The following GALNTL6 variants were observed in gnomAD, a reference collection of about 807,000 sequenced individuals.
GALNTL6 encodes the protein polypeptide N-acetylgalactosaminyltransferase like 6.
A neutral mutation model predicts 73.7 loss-of-function variants in GALNTL6; 46 were observed. The ratio of observed to expected loss-of-function variants is 0.62; its 90% CI spans 0.49 to 0.80. The LOEUF (loss-of-function observed/expected upper bound fraction) is 0.80, where lower values mean the gene tolerates loss of function less well. Among genes scored for constraint, GALNTL6 ranks in the 30% least tolerant of loss-of-function variants. GALNTL6 has a pLI of 0.00. For missense variants in GALNTL6, 604 were observed against 755.0 expected (o/e 0.80, Z 2.34); for synonymous variants, 259 against 263.7 (o/e 0.98, Z 0.17).
intron 2 of GALNTL6, among the ~76,000 whole-genome samples, chr4:172,181,717 CTTTTT>C (rs751155404): frequency 7.4e-6 from 1 of 135,156 alleles, no homozygotes. Flanking sequence ...CCCAAATCTT[CTTTTT>C]TTTTTTTTTT....
intron 5 of GALNTL6, among the ~76,000 whole-genome samples, chr4:172,637,444 T>C (rs945373314): frequency 6.6e-6 from 1 of 152,210 alleles, no homozygotes; most frequent in Non-Finnish European, 1.5e-5. Context: ...AAAATTGATT[T>C]GTGAAATCAG....
intron 7 of GALNTL6, among the ~76,000 whole-genome samples, chr4:172,816,832 G>A (rs1741627076): frequency 1.3e-5 from 2 of 152,024 alleles, no homozygotes; most frequent in Non-Finnish European, 1.5e-5. Flanking sequence ...TTTTGGCTGG[G>A]CACGGTGGCC....
In GALNTL6 at chr4:172,539,758, T is replaced by C. The variant is rs111677689; in HGVS notation, c.553+191069T>C. 3.0e-3 allele frequency among the ~76,000 whole-genome samples: 458 copies of C among 151,682 alleles called. 2 individuals are homozygous for C. Among genetic ancestry groups the C allele is most frequent in the African/African-American group, 0.01 (424 of 41,416 alleles). On this transcript the variant is annotated intron_variant, in intron 5 of 12. Coordinates refer to ENST00000506823, the MANE Select transcript of GALNTL6 (RefSeq NM_001034845.3). ...CATGGGCAGAATTATATATATTGTT[T>C]GGTATGATTGCCATAATATTGATAA...
intron 5 of GALNTL6, among the ~76,000 whole-genome samples, chr4:172,720,544 C>T (rs1735409695): frequency 6.6e-6 from 1 of 152,194 alleles, no homozygotes; most frequent in Non-Finnish European, 1.5e-5. Context: ...CTGGTTCACG[C>T]ATCTCTGACA....
In GALNTL6 at chr4:172,840,531, T is replaced by C. The variant is rs538290398; in HGVS notation, c.923+26808T>C. Among the ~76,000 whole-genome samples, 4 of 152,332 alleles carry C rather than the reference T, an allele frequency of 2.6e-5. No individual in the cohort carries two copies. The South Asian group carries it at 8.3e-4, about 32-fold the overall frequency. On this transcript the variant is annotated intron_variant, in intron 7 of 12. Transcript: ENST00000506823. ...CACCATCCTGCTCACCATTCATCCA[T>C]TCATTTGTTGACTCACACACCAACA...
chr4:172,481,723 C>A (rs1210881845), intron 5 of GALNTL6, among the ~76,000 whole-genome samples: 1 of 152,184 alleles, frequency 6.6e-6, no homozygotes, highest in Non-Finnish European at 1.5e-5. Flanking sequence ...ATCCACGAAC[C>A]CTGAGCTAGA....
chr4:172,089,626 T>G (rs1204515221), intron 2 of GALNTL6, among the ~76,000 whole-genome samples: 1 of 152,124 alleles, frequency 6.6e-6, no homozygotes, highest in African/African-American at 2.4e-5. Flanking sequence ...CAAAAGCAAA[T>G]GAATCAGGCT....
chr4:172,479,977 T>C (rs1561102613), intron 5 of GALNTL6, among the ~76,000 whole-genome samples: 2 of 152,168 alleles, frequency 1.3e-5, no homozygotes, highest in East Asian at 3.8e-4. Context: ...CCCTCATTTT[T>C]ATTACCTGTT....
At chr4:172,164,916 A>C (rs1734576196) in intron 2 of GALNTL6, among the ~76,000 whole-genome samples, 1 of 152,130 alleles carries the variant, frequency 6.6e-6, no homozygotes, top group Non-Finnish European at 1.5e-5. Context: ...ATCAAGGAAC[A>C]TGACTTATAT....
At chr4:172,755,575 C>T (rs1470036466) in intron 5 of GALNTL6, among the ~76,000 whole-genome samples, 1 of 152,142 alleles carries the variant, frequency 6.6e-6, no homozygotes, top group Non-Finnish European at 1.5e-5. Flanking sequence ...TTGGAATTAA[C>T]AAATAACAAA....
chr4:171,999,953 T>C (rs1740622426), intron 2 of GALNTL6, among the ~76,000 whole-genome samples: 1 of 152,158 alleles, frequency 6.6e-6, no homozygotes, highest in South Asian at 2.1e-4. Flanking sequence ...ATGTAGGCAA[T>C]ATGACAATTT....
intron 3 of GALNTL6, among the ~76,000 whole-genome samples, chr4:172,253,699 C>T (rs1466752071): frequency 6.6e-6 from 1 of 151,874 alleles, no homozygotes; most frequent in Non-Finnish European, 1.5e-5. Context: ...ACATCAGTTC[C>T]TTTTCTCTGG....
At chr4:172,491,481 C>T (rs1262472403) in intron 5 of GALNTL6, among the ~76,000 whole-genome samples, 1 of 152,052 alleles carries the variant, frequency 6.6e-6, no homozygotes, top group East Asian at 1.9e-4. Flanking sequence ...CATCCAAGTT[C>T]TGGCTCGTAT....
At chr4:172,632,272 A>C (rs958055324) in intron 5 of GALNTL6, among the ~76,000 whole-genome samples, 2 of 152,222 alleles carry the variant, frequency 1.3e-5, no homozygotes, top group East Asian at 3.8e-4. Flanking sequence ...TAACAGGCAG[A>C]GGCTGGAACA....
intron 2 of GALNTL6, among the ~76,000 whole-genome samples, chr4:171,935,859 G>A (rs187169325): frequency 1.3e-5 from 2 of 152,188 alleles, no homozygotes; most frequent in East Asian, 3.9e-4. Context: ...TCTTGCTTGG[G>A]TAGGTAAAGA....
At chr4:172,647,517 G>A (rs921601976) in intron 5 of GALNTL6, among the ~76,000 whole-genome samples, 2 of 151,736 alleles carry the variant, frequency 1.3e-5, no homozygotes, top group Non-Finnish European at 2.9e-5. Flanking sequence ...TCTATTCCAG[G>A]GCCCAGGCTG....
At chr4:172,288,824 A>G (rs1739360314) in intron 3 of GALNTL6, among the ~76,000 whole-genome samples, 1 of 152,278 alleles carries the variant, frequency 6.6e-6, no homozygotes, top group East Asian at 1.9e-4. Flanking sequence ...TTTGCCTAAA[A>G]ATTTATGGTC....
chr4:171,994,345 A>G (rs996267203), intron 2 of GALNTL6, among the ~76,000 whole-genome samples: 2 of 152,228 alleles, frequency 1.3e-5, no homozygotes, highest in East Asian at 3.9e-4. Context: ...AAGTGTACCC[A>G]AAACTGATTG....
chr4:172,796,267 T>C (rs923305772), intron 5 of GALNTL6, among the ~76,000 whole-genome samples: 10 of 152,306 alleles, frequency 6.6e-5, no homozygotes, highest in Admixed American at 1.3e-4. Flanking sequence ...TATTTTCTCC[T>C]GACACATAGT....
Sources: gnomAD v4.1 joint callset for allele counts (sites outside exome capture counted in the v4.1 genomes callset) on GRCh38, gnomAD v4.1.1 for gene constraint, MANE v1.5 for transcripts, NCBI Gene and HGNC (gene_info 2026-07-23, HGNC 2026-07-21) for gene names.